Variants in NBAS observed in about 807,000 individuals in gnomAD.
NBAS encodes NAG/BC035112 fusion.
In NBAS, 219 loss-of-function variants were observed where a neutral mutation model predicts 302.5. The ratio of observed to expected loss-of-function variants is 0.72; its 90% CI spans 0.65 to 0.81. The LOEUF (loss-of-function observed/expected upper bound fraction) is 0.81, where lower values mean the gene tolerates loss of function less well. NBAS is among the 30% of genes least tolerant of loss of function. The pLI is 0.00. For missense variants in NBAS, 2,932 were observed against 2,841.6 expected, an observed-to-expected ratio of 1.03 and a Z score of -0.72; for synonymous variants, 1,118 against 1,021.6, an observed-to-expected ratio of 1.09 and a Z score of -1.80.
At chr2:15,406,116 C>CAAAAAAAAAAAAAAAAAAA (rs772651880) in intron 25 of NBAS, among the ~76,000 whole-genome samples, 1 of 134,528 alleles carries the variant, frequency 7.4e-6, no homozygotes, top group Non-Finnish European at 1.6e-5. Context: ...AAAAAAAAAA[C>CAAAAAAAAAAAAAAAAAAA]AAAACAAAAA....
At chr2:14,963,844 T>A in the NBAS span, among the ~76,000 whole-genome samples, 1 of 152,218 alleles carries the variant, frequency 6.6e-6, no homozygotes, top group Admixed American at 6.5e-5. Context: ...ATCCTAGTTG[T>A]GAGTAGGACA....
chr2:14,849,954 T>C, the NBAS span, among the ~76,000 whole-genome samples: 2,075 of 118,414 alleles, frequency 0.018, 89 homozygotes, highest in African/African-American at 0.055. Context: ...AAGGAACAAC[T>C]GGTACGAGCC....
the NBAS span, among the ~76,000 whole-genome samples, chr2:14,967,424 C>T: frequency 0.079 from 12,044 of 152,138 alleles, 511 homozygotes; most frequent in East Asian, 0.098. Context: ...ACCAAGCCTC[C>T]ACTGGCATAA....
intron 11 of NBAS, among the ~76,000 whole-genome samples, chr2:15,490,263 A>T (rs1173146864): frequency 6.6e-6 from 1 of 152,174 alleles, no homozygotes; most frequent in Non-Finnish European, 1.5e-5. Context: ...TCAAAACCAG[A>T]ACAATTTCAG....
chr2:14,816,189 C>G, the NBAS span, among the ~76,000 whole-genome samples: 1 of 152,236 alleles, frequency 6.6e-6, no homozygotes, highest in Non-Finnish European at 1.5e-5. Flanking sequence ...GGCTGCTGAC[C>G]TGTACTGGTC....
At chr2:14,962,794 G>T in the NBAS span, among the ~76,000 whole-genome samples, 1 of 152,076 alleles carries the variant, frequency 6.6e-6, no homozygotes, top group Non-Finnish European at 1.5e-5. Flanking sequence ...CAACAGGCCT[G>T]CATTTTAGGA....
the NBAS span, among the ~76,000 whole-genome samples, chr2:15,017,439 T>C: frequency 3.1e-3 from 464 of 152,078 alleles, 3 homozygotes; most frequent in African/African-American, 0.011. Flanking sequence ...ATATCCAGAA[T>C]ATACATGGAA....
chr2:15,020,428 G>A, the NBAS span, among the ~76,000 whole-genome samples: 5 of 152,174 alleles, frequency 3.3e-5, no homozygotes, highest in Non-Finnish European at 7.3e-5. Flanking sequence ...GCAGGCAGAG[G>A]GCTGAAAGAA....
the NBAS span, among the ~76,000 whole-genome samples, chr2:14,856,487 G>C: frequency 0.2 from 30,824 of 151,982 alleles, 4,915 homozygotes; most frequent in African/African-American, 0.44. Flanking sequence ...GAGAAAGAGA[G>C]ACATGCAACT....
At chr2:14,972,156 T>C in the NBAS span, among the ~76,000 whole-genome samples, 1 of 152,076 alleles carries the variant, frequency 6.6e-6, no homozygotes, top group Non-Finnish European at 1.5e-5. Flanking sequence ...TGCAGGGACA[T>C]GAATGAAACT....
intron 38 of NBAS, among the ~76,000 whole-genome samples, chr2:15,324,359 G>A (rs1671965894): frequency 6.6e-6 from 1 of 152,186 alleles, no homozygotes; most frequent in Admixed American, 6.5e-5. Context: ...TCCTCTCCAG[G>A]TATTGGAATA....
At chr2:15,312,353 T>C (rs1333096496) in intron 38 of NBAS, among the ~76,000 whole-genome samples, 1 of 152,198 alleles carries the variant, frequency 6.6e-6, no homozygotes, top group Non-Finnish European at 1.5e-5. Flanking sequence ...TGGCTCACTG[T>C]AGCCTCAAAA....
chr2:14,983,712 T>C, the NBAS span, among the ~76,000 whole-genome samples: 13 of 152,226 alleles, frequency 8.5e-5, no homozygotes, highest in East Asian at 1.9e-4. Flanking sequence ...GTGTTTGCTG[T>C]CCATCTTCAG....
At chr2:14,825,893 T>C in the NBAS span, among the ~76,000 whole-genome samples, 1 of 152,088 alleles carries the variant, frequency 6.6e-6, no homozygotes, top group African/African-American at 2.4e-5. Context: ...GTGTTCCAGG[T>C]GGAAAAAGCA....
At chr2:15,140,632 T>G in the NBAS span, among the ~76,000 whole-genome samples, 1 of 152,186 alleles carries the variant, frequency 6.6e-6, no homozygotes, top group South Asian at 2.1e-4. Flanking sequence ...CTATTACTTT[T>G]TAATTGCAGA....
At chr2:14,801,214 G>T in the NBAS span, among the ~76,000 whole-genome samples, 318 of 152,076 alleles carry the variant, frequency 2.1e-3, 3 homozygotes, top group African/African-American at 7.4e-3. Context: ...GAGGATGATT[G>T]GTTTGGTTTG....
At chr2:14,875,334 T>A in the NBAS span, among the ~76,000 whole-genome samples, 9 of 152,136 alleles carry the variant, frequency 5.9e-5, no homozygotes, top group Non-Finnish European at 1.3e-4. Flanking sequence ...AAAATACATT[T>A]CAGGGCTGGG....
At chr2:14,963,782 C>G in the NBAS span, among the ~76,000 whole-genome samples, 1 of 152,174 alleles carries the variant, frequency 6.6e-6, no homozygotes, top group Admixed American at 6.5e-5. Context: ...TGGACTTCAC[C>G]ACATGTGCTT....
intron 9 of NBAS, among the ~76,000 whole-genome samples, chr2:15,519,522 G>A (rs889624870): frequency 2.0e-5 from 3 of 151,924 alleles, no homozygotes; most frequent in Non-Finnish European, 2.9e-5. Flanking sequence ...TCACTGCAGT[G>A]TACCTCCCAG....
Sources: allele counts gnomAD v4.1 joint callset (sites outside exome capture counted in the v4.1 genomes callset), GRCh38; gene constraint gnomAD v4.1.1; transcripts MANE v1.5; gene names NCBI Gene and HGNC (gene_info 2026-07-23, HGNC 2026-07-21).